ZNF777: variants seen among roughly 807,000 people sequenced by gnomAD.
The protein encoded by ZNF777 is zinc finger protein 777.
Under a neutral mutation model 72.1 loss-of-function variants are expected in ZNF777, and 7 were observed. That is an observed-to-expected ratio of 0.10 (90% CI 0.06 to 0.18). The LOEUF is 0.18. Among genes scored for constraint, ZNF777 ranks in the 10% least tolerant of loss-of-function variants. ZNF777 has a pLI of 1.00. For missense variants in ZNF777, 828 were observed against 1,128.6 expected (o/e 0.73, Z 3.82); for synonymous variants, 545 against 483.5 (o/e 1.13, Z -1.67).
At chr7:149,433,953 C>A (rs891027454) in intron 5 of ZNF777, among the ~76,000 whole-genome samples, 1 of 152,162 alleles carries the variant, frequency 6.6e-6, no homozygotes, top group Non-Finnish European at 1.5e-5. Context: ...CTTCTCTGGA[C>A]CCATCTGTGA....
At chr7:149,459,997 C>A (rs1408843311) in intron 1 of ZNF777, 1 of 963,526 alleles carries the variant, frequency 1.0e-6, no homozygotes, top group African/African-American at 1.8e-5. Context: ...CCCCCACCCC[C>A]CGCGCCAACG....
In ZNF777 at chr7:149,432,083, C is replaced by T; in HGVS notation, c.2189G>A (p.Ser730Asn). 4 of 1,606,084 alleles carry T rather than the reference C, an allele frequency of 2.5e-6. No homozygotes were observed. Among genetic ancestry groups the T allele is most frequent in the Non-Finnish European group, 3.4e-6 (4 of 1,179,880 alleles). The change falls in exon 6 of 6, where the codon AGC becomes AAC. Residue 730 changes from serine to asparagine, a missense_variant. By Grantham distance (46) the Ser-to-Asn change is conservative. Coordinates refer to ENST00000247930, the MANE Select transcript of ZNF777 (RefSeq NM_015694.3). ...GGTGAGCTTGGACTTCTCGCTGAAG[C>T]TCTTCTCGCACTCGGGGCACTTGAA... Reference protein sequence around the residue: ...RPFKCPECEKSFSEKSKLTNH... With the variant: ...RPFKCPECEKNFSEKSKLTNH...
chr7:149,454,137 C>T lies in ZNF777; in HGVS notation c.947G>A (p.Gly316Asp). Residue 316 changes from glycine (G) to aspartate (D), a missense_variant, in exon 3 of 6, where the codon GGC (glycine) becomes GAC (aspartate). Physicochemically the swap from Gly to Asp is moderately conservative, Grantham distance 94 (BLOSUM62 -1). Coordinates refer to ENST00000247930, the MANE Select transcript of ZNF777 (RefSeq NM_015694.3). ...CATGGAAACCAGGGACTCGTAGTTG[C>T]CCCTCATCACGTTCTTGTAGAGCTC... ...QKELYKNVMR[G>D]NYESLVSMDY... 6.2e-7 allele frequency: 1 copy of T among 1,614,216 alleles called. No homozygotes were observed. The highest frequency in any genetic ancestry group is 8.5e-7 in the Non-Finnish European group (1 of 1,180,038).
At chr7:149,440,125 A>G (rs1799482055) in intron 4 of ZNF777, among the ~76,000 whole-genome samples, 1 of 152,222 alleles carries the variant, frequency 6.6e-6, no homozygotes, top group South Asian at 2.1e-4. Flanking sequence ...ATGATCATCA[A>G]AAACTGTTTC....
At chr7:149,453,501 T>C (rs1378119499) in intron 3 of ZNF777, among the ~76,000 whole-genome samples, 1 of 152,090 alleles carries the variant, frequency 6.6e-6, no homozygotes, top group African/African-American at 2.4e-5. Flanking sequence ...TTTTTCCAGG[T>C]TTTCATCGTT....
intron 3 of ZNF777, among the ~76,000 whole-genome samples, chr7:149,453,016 C>T (rs889601925): frequency 2.0e-5 from 3 of 152,200 alleles, no homozygotes; most frequent in Non-Finnish European, 4.4e-5. Context: ...AGGAGTCCTA[C>T]GTGTGCTGAC....
chr7:149,452,350 G>A (rs769384811), intron 3 of ZNF777, among the ~76,000 whole-genome samples: 5 of 147,140 alleles, frequency 3.4e-5, no homozygotes, highest in Non-Finnish European at 7.5e-5. Flanking sequence ...AAATGAAGTA[G>A]GCTGGGCGTG....
At chr7:149,453,376 GACAAC>G (rs1338851822) in intron 3 of ZNF777, among the ~76,000 whole-genome samples, 1 of 152,164 alleles carries the variant, frequency 6.6e-6, no homozygotes, top group African/African-American at 2.4e-5. Flanking sequence ...GTTTCTATGT[GACAAC>G]ACATTTAAAT....
intron 4 of ZNF777, among the ~76,000 whole-genome samples, chr7:149,449,522 G>A (rs139844594): frequency 3.9e-5 from 6 of 152,286 alleles, no homozygotes; most frequent in South Asian, 2.1e-4. Context: ...CACCTGAACC[G>A]CAAGGCCCCG....
Position 149,436,238 on chromosome 7 carries a change from G to A in ZNF777, c.1339+337C>T, listed in dbSNP as rs1220124211. Among the ~76,000 whole-genome samples the A allele has an allele frequency of 5.3e-5, 8 of 152,192 alleles. No individual in the cohort carries two copies. The highest frequency in any genetic ancestry group is 3.3e-4 in the Admixed American group (5 of 15,288). ...GGTGATATGAGATGATCAAGGACAC[G>A]TTGGGAGAGTTCTAGCTTTGCCACT... On this transcript the variant is annotated intron_variant, in intron 5 of 5. Coordinates refer to ENST00000247930, the MANE Select transcript of ZNF777 (RefSeq NM_015694.3). The surrounding 1 kb of genome is among the most constrained non-coding windows in gnomAD (Gnocchi z 5.0).
intron 3 of ZNF777, among the ~76,000 whole-genome samples, chr7:149,451,700 A>G (rs1799720243): frequency 6.6e-6 from 1 of 152,130 alleles, no homozygotes; most frequent in Non-Finnish European, 1.5e-5. Context: ...TCAAAAAAAG[A>G]AAAAAACAAA....
intron 4 of ZNF777, among the ~76,000 whole-genome samples, chr7:149,445,652 G>A (rs918098679): frequency 6.6e-6 from 1 of 152,140 alleles, no homozygotes; most frequent in East Asian, 1.9e-4. Context: ...TGCACGTCAA[G>A]TCTCCTTCTT....
At chr7:149,434,245 G>C (rs1393360723) in intron 5 of ZNF777, among the ~76,000 whole-genome samples, 2 of 152,172 alleles carry the variant, frequency 1.3e-5, no homozygotes, top group Non-Finnish European at 2.9e-5. Context: ...CAATGTTTGT[G>C]ACCCAGCCAA....
intron 5 of ZNF777, among the ~76,000 whole-genome samples, chr7:149,433,184 T>A (rs1209087925): frequency 2.0e-5 from 3 of 151,762 alleles, no homozygotes; most frequent in Admixed American, 1.3e-4. Context: ...CTAAAAAGAG[T>A]CCTCTTTGGA....
rs569188281 is a variant in ZNF777 at position 149,445,792 on chromosome 7, G to A, written c.1087+5207C>T. ...TAGGGAAAGGCAGATGCCTGCAGTAGGGACTGAGGGAGGCAATGGGAGCTG... is the reference window on the plus strand; with the variant it reads ...TAGGGAAAGGCAGATGCCTGCAGTAAGGACTGAGGGAGGCAATGGGAGCTG... On this transcript the variant is annotated intron_variant, in intron 4 of 5. Transcript: ENST00000247930. Among the ~76,000 whole-genome samples the A allele has an allele frequency of 6.6e-5, 10 of 152,286 alleles. No homozygotes were observed. In the South Asian group the frequency reaches 2.1e-3, roughly 32 times the overall value.
rs747852923 is a variant in ZNF777, at chr7:149,455,814, C to T, written c.209G>A (p.Arg70Gln). Residue 70 changes from arginine (R) to glutamine (Q), a missense_variant, in exon 2 of 6, where the codon CGG (arginine) becomes CAG (glutamine). Transcript: ENST00000247930. The surrounding 1 kb of genome is among the most constrained non-coding windows in gnomAD (Gnocchi z 4.2). Reference sequence around the variant, plus strand: ...TCCCTTCTGGAGCACATGTGGCATCCGGCCAGAAGTCTCTTGCTTGGGAGC... The same window carrying T: ...TCCCTTCTGGAGCACATGTGGCATCTGGCCAGAAGTCTCTTGCTTGGGAGC... Reference protein sequence around the residue: ...SSAPKQETSGRMPHVLQKGPS... With the variant: ...SSAPKQETSGQMPHVLQKGPS... 9 of 1,612,784 alleles carry T rather than the reference C, an allele frequency of 5.6e-6. No homozygotes were observed. Among genetic ancestry groups the T allele is most frequent in the East Asian group, 4.5e-5 (2 of 44,862 alleles).
intron 1 of ZNF777, among the ~76,000 whole-genome samples, chr7:149,458,765 C>A (rs1051653095): frequency 1.3e-5 from 2 of 152,238 alleles, no homozygotes; most frequent in African/African-American, 4.8e-5. Flanking sequence ...AAACCTGCCG[C>A]TTATCTTACC....
chr7:149,454,104 TC>T lies in ZNF777; in HGVS notation c.973+6del, dbSNP rs1197520564. ...GCAGCCCCCAGCGAGCGAAGGCTTC[TC>T]CTTACCCATGGAAACCAGGGACTCG... On this transcript the variant is annotated splice_donor_region_variant and intron_variant, in intron 3 of 5. Transcript: ENST00000247930. The T allele has an allele frequency of 6.2e-7, 1 of 1,614,046 alleles. No individual in the cohort carries two copies. The highest frequency in any genetic ancestry group is 8.5e-7 in the Non-Finnish European group (1 of 1,180,020).
chr7:149,432,970 G>C (rs985691224), intron 5 of ZNF777, 38 bp from the exon 6 acceptor site: 14 of 1,450,400 alleles, frequency 9.7e-6, no homozygotes, highest in Non-Finnish European at 1.2e-5. Context: ...GTTAGCTGCT[G>C]CCTGGCGCCC....
Sources: allele counts gnomAD v4.1 joint callset (sites outside exome capture counted in the v4.1 genomes callset), GRCh38; gene constraint gnomAD v4.1.1; non-coding constraint Gnocchi (gnomAD v3.1); transcripts MANE v1.5; gene names NCBI Gene and HGNC (gene_info 2026-07-23, HGNC 2026-07-21).